GALNT13: variants seen among roughly 807,000 people sequenced by gnomAD.
GALNT13 encodes polypeptide N-acetylgalactosaminyltransferase 13, also known as UDP-GalNAc:polypeptide N-acetylgalactosaminyltransferase 13.
GALNT13 carries 28 observed loss-of-function variants against 64.2 expected under a neutral mutation model. The observed-to-expected ratio is 0.44, with a 90% confidence interval of 0.32 to 0.60. The LOEUF is 0.60. Ranked by LOEUF, GALNT13 falls within the 20% of genes least tolerant of loss-of-function variation. GALNT13 has a pLI of 0.05. For synonymous variants in GALNT13, 214 were observed against 224.6 expected (o/e 0.95, Z 0.42); for missense variants, 577 against 669.8 (o/e 0.86, Z 1.53).
the GALNT13 span, among the ~76,000 whole-genome samples, chr2:153,271,916 G>T: frequency 7.9e-3 from 1,200 of 152,218 alleles, 11 homozygotes; most frequent in African/African-American, 0.027. Context: ...TACCAAAACA[G>T]ATACATAGAC....
chr2:154,215,409 A>G (rs1234027525), intron 4 of GALNT13, among the ~76,000 whole-genome samples: 1 of 152,126 alleles, frequency 6.6e-6, no homozygotes, highest in Non-Finnish European at 1.5e-5. Flanking sequence ...ACAGTGCCTC[A>G]CTGTGACCTG....
At chr2:154,414,590 G>A (rs1699926697) in intron 11 of GALNT13, among the ~76,000 whole-genome samples, 1 of 151,720 alleles carries the variant, frequency 6.6e-6, no homozygotes, top group East Asian at 1.9e-4. Context: ...AGCATTATCA[G>A]TGCATTTAAT....
At chr2:154,350,118 A>C (rs932844472) in intron 9 of GALNT13, among the ~76,000 whole-genome samples, 1 of 152,242 alleles carries the variant, frequency 6.6e-6, no homozygotes, top group East Asian at 1.9e-4. Flanking sequence ...TCATTTGTGC[A>C]TTCAACAAAC....
chr2:153,187,917 A>G, the GALNT13 span, among the ~76,000 whole-genome samples: 1 of 152,248 alleles, frequency 6.6e-6, no homozygotes, highest in Non-Finnish European at 1.5e-5. Context: ...CCAGGAATAT[A>G]AGGGTTTAAC....
chr2:153,569,568 A>G, the GALNT13 span, among the ~76,000 whole-genome samples: 1 of 151,568 alleles, frequency 6.6e-6, no homozygotes, highest in African/African-American at 2.4e-5. Flanking sequence ...GGTACATAGT[A>G]GGTGTATATA....
At chr2:153,482,995 T>C in the GALNT13 span, among the ~76,000 whole-genome samples, 1 of 152,216 alleles carries the variant, frequency 6.6e-6, no homozygotes, top group East Asian at 1.9e-4. Flanking sequence ...TTTTATTCAA[T>C]AGTTTTCTTC....
At chr2:153,793,441 G>C in the GALNT13 span, among the ~76,000 whole-genome samples, 1 of 151,974 alleles carries the variant, frequency 6.6e-6, no homozygotes, top group Admixed American at 6.6e-5. Flanking sequence ...CACAATATTA[G>C]GTACTCTAAA....
At chr2:153,660,115 G>T in the GALNT13 span, among the ~76,000 whole-genome samples, 1 of 152,086 alleles carries the variant, frequency 6.6e-6, no homozygotes, top group Non-Finnish European at 1.5e-5. Context: ...GGAAAGAAAT[G>T]CTTTGGTGAA....
At chr2:153,632,356 A>G in the GALNT13 span, among the ~76,000 whole-genome samples, 2 of 152,180 alleles carry the variant, frequency 1.3e-5, no homozygotes, top group African/African-American at 4.8e-5. Context: ...ATAAACTAAT[A>G]TTGATAAGCT....
At chr2:154,019,602 CCACACACACACACACACACACACACA>C (rs67316542) in intron 3 of GALNT13, among the ~76,000 whole-genome samples, 1 of 126,498 alleles carries the variant, frequency 7.9e-6, no homozygotes, top group African/African-American at 3.2e-5. Flanking sequence ...GAGTAAGACT[CCACACACACACACACACACACACACA>C]CACACACACA....
Position 153,931,220 on chromosome 2 carries a change from G to T in GALNT13, c.-104-13174G>T, listed in dbSNP as rs541826306. Among the ~76,000 whole-genome samples the T allele has an allele frequency of 4.0e-5, 6 of 150,262 alleles. No homozygotes were observed. The South Asian group carries it at 1.3e-3, about 32-fold the overall frequency. Reference sequence around the variant, plus strand: ...TGTATGCTGAAGCTTTGCTGAAATTGTTCATCTGATCTAGTAGCCTTTTAG... The same window carrying T: ...TGTATGCTGAAGCTTTGCTGAAATTTTTCATCTGATCTAGTAGCCTTTTAG... On this transcript the variant is annotated intron_variant, in intron 2 of 12. Transcript: ENST00000392825.
At chr2:154,242,676 T>C (rs777417959) in intron 5 of GALNT13, 22 bp from the exon 6 acceptor site, 1 of 1,545,444 alleles carries the variant, frequency 6.5e-7, no homozygotes, top group Admixed American at 1.7e-5. Flanking sequence ...ATTTTTCTTA[T>C]AAATTCTTAT....
At chr2:153,371,530 G>T in the GALNT13 span, among the ~76,000 whole-genome samples, 2 of 152,078 alleles carry the variant, frequency 1.3e-5, no homozygotes, top group Non-Finnish European at 1.5e-5. Context: ...TTTGAAATAT[G>T]CAATTATAAA....
the GALNT13 span, among the ~76,000 whole-genome samples, chr2:153,543,952 C>A: frequency 6.6e-6 from 1 of 152,068 alleles, no homozygotes; most frequent in African/African-American, 2.4e-5. Context: ...TTTTTATGTG[C>A]CGTTTATAAA....
chr2:154,186,729 C>T (rs953294113), intron 4 of GALNT13, among the ~76,000 whole-genome samples: 2 of 152,078 alleles, frequency 1.3e-5, no homozygotes, highest in African/African-American at 4.8e-5. Context: ...TCCTAGTAGA[C>T]TTACAGGTTA....
intron 3 of GALNT13, among the ~76,000 whole-genome samples, chr2:153,981,147 C>A (rs1694432983): frequency 6.6e-6 from 1 of 152,002 alleles, no homozygotes; most frequent in Admixed American, 6.6e-5. Flanking sequence ...AGACTAAATA[C>A]TAGATTGGAG....
the GALNT13 span, among the ~76,000 whole-genome samples, chr2:153,111,774 A>G: frequency 6.6e-6 from 1 of 152,016 alleles, no homozygotes; most frequent in East Asian, 1.9e-4. Flanking sequence ...CTTTCCCCAA[A>G]ATTTGACCTG....
the GALNT13 span, among the ~76,000 whole-genome samples, chr2:153,666,540 A>G: frequency 1.3e-5 from 2 of 152,152 alleles, no homozygotes; most frequent in African/African-American, 4.8e-5. Flanking sequence ...GGGTCAGAGA[A>G]CAGAGTGCTG....
chr2:153,183,436 G>T, the GALNT13 span, among the ~76,000 whole-genome samples: 1 of 152,080 alleles, frequency 6.6e-6, no homozygotes. Context: ...TGTTCATTCT[G>T]ATAGTTTCTT....
Sources: allele counts gnomAD v4.1 joint callset (sites outside exome capture counted in the v4.1 genomes callset), GRCh38; gene constraint gnomAD v4.1.1; transcripts MANE v1.5; gene names NCBI Gene and HGNC (gene_info 2026-07-23, HGNC 2026-07-21).